KIF3B: variants seen among roughly 807,000 people sequenced by gnomAD.
KIF3B encodes the protein kinesin family member 3B, also known as kinesin-like protein KIF3B.
Under a neutral mutation model 74.3 loss-of-function variants are expected in KIF3B, and 38 were observed. That is an observed-to-expected ratio of 0.51 (90% CI 0.39 to 0.67). The LOEUF (loss-of-function observed/expected upper bound fraction) is 0.67, where lower values mean the gene tolerates loss of function less well. KIF3B is among the 30% of genes least tolerant of loss of function. The pLI, the probability that KIF3B is intolerant of heterozygous loss-of-function variation, is 0.00. For synonymous variants in KIF3B, 326 were observed against 342.5 expected (o/e 0.95, Z 0.53); for missense variants, 649 against 932.0 (o/e 0.70, Z 3.95).
intron 1 of KIF3B, among the ~76,000 whole-genome samples, chr20:32,283,185 T>G (rs2047651930): frequency 6.6e-6 from 1 of 152,074 alleles, no homozygotes; most frequent in Non-Finnish European, 1.5e-5. Flanking sequence ...CGCAGGCATG[T>G]ACTGTCGTGC....
chr20:32,312,613 C>T (rs967114935), intron 2 of KIF3B, among the ~76,000 whole-genome samples: 2 of 152,140 alleles, frequency 1.3e-5, no homozygotes, highest in Non-Finnish European at 2.9e-5. Context: ...ATTTTTGCAA[C>T]ATTACGTTCA....
At position 32,310,868 on chromosome 20, in the gene KIF3B, G is replaced by T; in HGVS notation, c.1091G>T (p.Arg364Leu). Residue 364 changes from arginine to leucine, a missense_variant, in exon 2 of 9, where the codon CGG (arginine) becomes CTG (leucine). Arg to Leu is a moderately radical substitution (Grantham distance 102). Transcript: ENST00000375712. The surrounding 1 kb of genome is among the most constrained non-coding windows in gnomAD (Gnocchi z 6.5). Reference protein sequence around the residue: ...LLREFQEEIARLKAQLEKRSI... With the variant: ...LLREFQEEIALLKAQLEKRSI... ...CGAGAATTCCAGGAAGAGATTGCTC[G>T]GCTCAAGGCCCAGCTGGAAAAACGG... is the stretch of plus-strand genomic sequence containing the variant. The T allele has an allele frequency of 6.2e-7, 1 of 1,613,966 alleles. No individual in the cohort carries two copies.
intron 1 of KIF3B, among the ~76,000 whole-genome samples, chr20:32,299,905 C>T (rs897152798): frequency 6.6e-6 from 1 of 151,888 alleles, no homozygotes; most frequent in African/African-American, 2.4e-5. Flanking sequence ...CCTCCTGCCT[C>T]AGCCTCCCAA....
chr20:32,310,261 A>G lies in KIF3B; in HGVS notation c.484A>G (p.Lys162Glu). Residue 162 changes from lysine to glutamate, a missense_variant, in exon 2 of 9, where the codon AAA becomes GAA. By Grantham distance (56) the Lys-to-Glu change is moderately conservative (BLOSUM62 1). Around this residue, in one of 4 missense-constraint regions of KIF3B, gnomAD observed 363 missense variants for 592.8 expected, o/e 0.61. Coordinates refer to ENST00000375712, the MANE Select transcript of KIF3B (RefSeq NM_004798.4). The surrounding 1 kb of genome is among the most constrained non-coding windows in gnomAD (Gnocchi z 6.5). ...IRDLLSKDQT[K>E]RLELKERPDT... ...AGATTTGCTCTCAAAGGATCAGACCAAAAGGCTTGAGCTCAAAGAGAGGCC... is the reference window on the plus strand; with the variant it reads ...AGATTTGCTCTCAAAGGATCAGACCGAAAGGCTTGAGCTCAAAGAGAGGCC... 6.2e-7 allele frequency: 1 copy of G among 1,613,918 alleles called. No individual in the cohort carries two copies.
At chr20:32,293,024 G>A (rs1028137911) in intron 1 of KIF3B, among the ~76,000 whole-genome samples, 1 of 152,144 alleles carries the variant, frequency 6.6e-6, no homozygotes, top group Non-Finnish European at 1.5e-5. Flanking sequence ...GGAGGCCAAG[G>A]CAGGCGGAAC....
At chr20:32,290,625 C>T (rs1023570501) in intron 1 of KIF3B, among the ~76,000 whole-genome samples, 1 of 152,168 alleles carries the variant, frequency 6.6e-6, no homozygotes, top group African/African-American at 2.4e-5. Context: ...AATCCCAGCA[C>T]TTTGGGAGGC....
intron 8 of KIF3B, 95 bp from the exon 9 acceptor site, chr20:32,331,128 T>A: frequency 1.7e-4 from 139 of 842,114 alleles, no homozygotes; most frequent in East Asian, 3.7e-4. Flanking sequence ...TTTCAGGCCA[T>A]TGAAGAATGG....
intron 5 of KIF3B, among the ~76,000 whole-genome samples, chr20:32,324,754 T>A (rs1197581181): frequency 1.3e-5 from 2 of 152,102 alleles, no homozygotes; most frequent in Non-Finnish European, 2.9e-5. Flanking sequence ...GTAGGCAAGG[T>A]GCGGTGGCTC....
chr20:32,316,354 A>G, intron 3 of KIF3B, 35 bp downstream of exon 3: 1 of 1,540,748 alleles, frequency 6.5e-7, no homozygotes, highest in Middle Eastern at 1.7e-4. Flanking sequence ...AGAATGGGTG[A>G]GGTAAGGTGT....
intron 1 of KIF3B, among the ~76,000 whole-genome samples, chr20:32,278,086 G>T (rs770366951): frequency 5.9e-5 from 9 of 152,206 alleles, no homozygotes; most frequent in Non-Finnish European, 8.8e-5. Flanking sequence ...CGCTGTGCTG[G>T]GCTTGCTGTG....
intron 1 of KIF3B, among the ~76,000 whole-genome samples, chr20:32,299,379 G>GTATATATATATATATA (rs1555895040): frequency 6.5e-4 from 15 of 23,088 alleles, no homozygotes; most frequent in South Asian, 1.5e-3. Flanking sequence ...TGGTGTGTGT[G>GTATATATATATATATA]TATATATATA....
intron 5 of KIF3B, among the ~76,000 whole-genome samples, chr20:32,317,152 G>T (rs904664461): frequency 6.6e-6 from 1 of 152,120 alleles, no homozygotes. Context: ...TAGGAGAATC[G>T]CTTGAACCCG....
At chr20:32,326,060 A>G (rs2122716217) in intron 5 of KIF3B, among the ~76,000 whole-genome samples, 1 of 152,064 alleles carries the variant, frequency 6.6e-6, no homozygotes, top group Non-Finnish European at 1.5e-5. Flanking sequence ...TGTCCCTTCC[A>G]TGTTCATTTC....
In KIF3B at chr20:32,331,458, C is replaced by G; in HGVS notation, c.*139C>G. The G allele has an allele frequency of 1.6e-6, 1 of 637,002 alleles. No homozygotes were observed. The allele number at this position is 637,002 out of a possible 1,614,324, so 39.5% of individuals were successfully genotyped here. On this transcript the variant is annotated 3_prime_UTR_variant, in exon 9 of 9. Coordinates refer to ENST00000375712, the MANE Select transcript of KIF3B (RefSeq NM_004798.4). The stretch of plus-strand genomic sequence containing the variant: ...AGCGGTGGCCTCTTTGCAGATCAAC[C>G]AACTTAATCTGGTTGAACGTGCTGT...
At chr20:32,294,422 A>T (rs2047707306) in intron 1 of KIF3B, among the ~76,000 whole-genome samples, 1 of 152,198 alleles carries the variant, frequency 6.6e-6, no homozygotes, top group Non-Finnish European at 1.5e-5. Flanking sequence ...TTCTCCAAAG[A>T]AAACATTGCT....
At chr20:32,317,741 A>G (rs755510577) in intron 5 of KIF3B, among the ~76,000 whole-genome samples, 31 of 151,730 alleles carry the variant, frequency 2.0e-4, no homozygotes, top group Non-Finnish European at 2.6e-4. Flanking sequence ...GGGCTCAAAC[A>G]GTCCTCCCAC....
intron 1 of KIF3B, among the ~76,000 whole-genome samples, chr20:32,288,980 A>G (rs1162077696): frequency 4.6e-5 from 7 of 152,212 alleles, no homozygotes; most frequent in Non-Finnish European, 1.0e-4. Context: ...ATGCGTAGGC[A>G]TGAATCTTGA....
Position 32,316,228 on chromosome 20 carries a change from G to C in KIF3B, c.1415G>C (p.Ser472Thr). ...TTGTTTCTCACTCAGGCCATGGAGA[G>C]TAAGTTGCTTGTTGGAGGAAAAAAT... ...MLGAKIKAMESKLLVGGKNIV... is the reference protein window; with the variant it reads ...MLGAKIKAMETKLLVGGKNIV... Residue 472 changes from serine to threonine, a missense_variant, in exon 3 of 9, where the codon AGT becomes ACT. Ser to Thr is a moderately conservative substitution (Grantham distance 58). This residue lies in a region of KIF3B where 363 missense variants were observed against 592.8 expected (regional missense o/e 0.61). Transcript: ENST00000375712. The C allele has an allele frequency of 6.3e-7, 1 of 1,595,094 alleles. No individual in the cohort carries two copies. The highest frequency in any genetic ancestry group is 1.7e-4 in the Middle Eastern group (1 of 6,030).
intron 1 of KIF3B, among the ~76,000 whole-genome samples, chr20:32,278,921 CTTT>C (rs57355936): frequency 4.2e-5 from 5 of 118,402 alleles, no homozygotes; most frequent in Admixed American, 9.5e-5. Flanking sequence ...CTTAAGAATC[CTTT>C]TTTTTTTTTT....
Sources: gnomAD v4.1 joint callset for allele counts (sites outside exome capture counted in the v4.1 genomes callset) on GRCh38, gnomAD v4.1.1 for gene constraint, gnomAD v4.1.1 regional missense constraint, Gnocchi (gnomAD v3.1) non-coding constraint, MANE v1.5 for transcripts, NCBI Gene and HGNC (gene_info 2026-07-23, HGNC 2026-07-21) for gene names.